Variants in EPHA3 observed in about 807,000 individuals in gnomAD.
The protein encoded by EPHA3 is EPH receptor A3.
EPHA3 carries 42 observed loss-of-function variants against 107.1 expected under a neutral mutation model. The observed-to-expected ratio is 0.39, with a 90% CI of 0.31 to 0.51. The LOEUF is 0.51. EPHA3 is among the 20% of genes least tolerant of loss of function. The probability of loss-of-function intolerance (pLI) is 0.78; values close to 1 mark genes in which losing one functional copy is unlikely to be tolerated. For synonymous variants in EPHA3, 461 were observed against 424.8 expected, an observed-to-expected ratio of 1.09 and a Z score of -1.05; for missense variants, 1,183 against 1,211.2, an observed-to-expected ratio of 0.98 and a Z score of 0.35.
rs1428595242 is a variant in EPHA3, at chr3:89,413,163, T to C, written c.1785T>C (p.Thr595=). 2 of 1,611,536 alleles carry C rather than the reference T, an allele frequency of 1.2e-6. No homozygotes were observed. Among genetic ancestry groups the C allele is most frequent in the Non-Finnish European group, 1.7e-6 (2 of 1,178,248 alleles). ...NGHLKLPGLR[T]YVDPHTYEDP... ...CAGTAAAACTTCCAGGTCTCAGGAC[T>C]TATGTTGACCCACATACATATGAAG... The change falls in exon 10 of 17, where the codon ACT becomes ACC. Residue 595 remains threonine (T), a synonymous_variant. Transcript: ENST00000336596.
chr3:89,373,176 A>G (rs1442150699), intron 5 of EPHA3, among the ~76,000 whole-genome samples: 1 of 151,884 alleles, frequency 6.6e-6, no homozygotes, highest in Non-Finnish European at 1.5e-5. Context: ...GCAAGGGCAA[A>G]GACTTACAAA....
At position 89,429,092 on chromosome 3, in the gene EPHA3, T is replaced by C; in HGVS notation, c.2075-14T>C. The C allele has an allele frequency of 6.4e-7, 1 of 1,564,066 alleles. No individual in the cohort carries two copies. The highest frequency in any genetic ancestry group is 8.8e-7 in the Non-Finnish European group (1 of 1,135,644). ...ACTGTACTGATTATTATTTATTATTTACTGTATATCTAGGTAAGCCAGTTA... is the reference window on the plus strand; with the variant it reads ...ACTGTACTGATTATTATTTATTATTCACTGTATATCTAGGTAAGCCAGTTA... On this transcript the variant is annotated splice_polypyrimidine_tract_variant and intron_variant, in intron 11 of 16. Coordinates refer to ENST00000336596, the MANE Select transcript of EPHA3 (RefSeq NM_005233.6).
At chr3:89,268,713 G>A (rs1464022079) in intron 3 of EPHA3, among the ~76,000 whole-genome samples, 1 of 151,866 alleles carries the variant, frequency 6.6e-6, no homozygotes, top group Non-Finnish European at 1.5e-5. Flanking sequence ...CTTGTCTATA[G>A]CACTTTAGCT....
At position 89,399,429 on chromosome 3, in the gene EPHA3, G is replaced by A. The variant is rs2107508452; in HGVS notation, c.1543G>A (p.Ala515Thr). 1 of 1,614,008 alleles carries A rather than the reference G, an allele frequency of 6.2e-7. No individual in the cohort carries two copies. Among genetic ancestry groups the A allele is most frequent in the Non-Finnish European group, 8.5e-7 (1 of 1,179,978 alleles). ...YVFQIRARTA[A>T]GYGTNSRKFE... ...ATTCCAAATCCGAGCCCGAACAGCC[G>A]CTGGATATGGGACGAACAGCCGCAA... Residue 515 changes from alanine to threonine, a missense_variant, in exon 7 of 17, where the codon GCT (alanine) becomes ACT (threonine). Ala to Thr is a moderately conservative substitution (Grantham distance 58). Transcript: ENST00000336596.
At chr3:89,472,100 A>C (rs1234889357) in intron 15 of EPHA3, among the ~76,000 whole-genome samples, 2 of 152,234 alleles carry the variant, frequency 1.3e-5, no homozygotes, top group African/African-American at 4.8e-5. Context: ...CAAAGCAGAC[A>C]GCAAAGAATT....
intron 3 of EPHA3, among the ~76,000 whole-genome samples, chr3:89,226,410 G>A (rs1221857228): frequency 3.3e-5 from 5 of 152,064 alleles, no homozygotes; most frequent in East Asian, 1.9e-4. Context: ...ATGGGGAAAC[G>A]TTAGCTATCT....
At chr3:89,304,443 G>A (rs140937610) in intron 3 of EPHA3, among the ~76,000 whole-genome samples, 6 of 151,610 alleles carry the variant, frequency 4.0e-5, no homozygotes, top group East Asian at 1.9e-4. Flanking sequence ...TTTGAGACTC[G>A]TTACTCACCC....
At chr3:89,113,567 TA>T (rs200754381) in intron 1 of EPHA3, among the ~76,000 whole-genome samples, 2,335 of 80,340 alleles carry the variant, frequency 0.029, 60 homozygotes, top group African/African-American at 0.089. Flanking sequence ...GAAAAGAAAA[TA>T]AAAAAAGTTG....
chr3:89,135,475 T>C (rs1704291031), intron 2 of EPHA3, among the ~76,000 whole-genome samples: 1 of 152,150 alleles, frequency 6.6e-6, no homozygotes, highest in Non-Finnish European at 1.5e-5. Flanking sequence ...AAATGAATAA[T>C]AAGAGCTTTC....
In EPHA3 at chr3:89,449,308, T is replaced by C. The variant is rs1347521876; in HGVS notation, c.2430T>C (p.Tyr810=). Residue 810 remains tyrosine, a synonymous_variant, in exon 14 of 17, where the codon TAT becomes TAC. Transcript: ENST00000336596. ...KFTSASDVWS[Y]GIVLWEVMSY... is the part of the protein sequence containing the mutation. ...CGTCAGCCAGCGATGTATGGAGTTA[T>C]GGGATTGTTCTCTGGGAGGTGATGT... The C allele has an allele frequency of 6.2e-7, 1 of 1,612,880 alleles. No homozygotes were observed. Among genetic ancestry groups the C allele is most frequent in the Admixed American group, 1.7e-5 (1 of 59,964 alleles).
At chr3:89,159,283 T>C (rs1307107705) in intron 2 of EPHA3, among the ~76,000 whole-genome samples, 2 of 152,138 alleles carry the variant, frequency 1.3e-5, no homozygotes, top group African/African-American at 4.8e-5. Flanking sequence ...TCAGAGCTCT[T>C]AGTTGTAAGC....
intron 2 of EPHA3, among the ~76,000 whole-genome samples, chr3:89,165,769 G>C (rs947206858): frequency 6.6e-6 from 1 of 152,140 alleles, no homozygotes; most frequent in African/African-American, 2.4e-5. Flanking sequence ...TTCCAAGGCT[G>C]TTCAGGCCTT....
intron 3 of EPHA3, among the ~76,000 whole-genome samples, chr3:89,317,157 A>G (rs1706928589): frequency 6.6e-6 from 1 of 151,890 alleles, no homozygotes; most frequent in South Asian, 2.1e-4. Flanking sequence ...GCAACATGAT[A>G]TCAAATGATG....
intron 6 of EPHA3, among the ~76,000 whole-genome samples, chr3:89,398,799 A>T (rs1226098394): frequency 6.6e-6 from 1 of 152,160 alleles, no homozygotes; most frequent in Non-Finnish European, 1.5e-5. Context: ...CATAATATTC[A>T]AATTGGGAAA....
Position 89,411,563 on chromosome 3 carries a change from C to A in EPHA3, c.1763-1578C>A, listed in dbSNP as rs548989411. On this transcript the variant is annotated intron_variant, in intron 9 of 16. Transcript: ENST00000336596. ...CCAACCTCTCTCTCAGCCACCATTT[C>A]TTTTACAACAGTTTATTCTCACACT... 3.3e-5 allele frequency among the ~76,000 whole-genome samples: 5 copies of A among 151,884 alleles called. No homozygotes were observed. In the South Asian group the frequency reaches 8.3e-4, roughly 25 times the overall value.
At chr3:89,425,892 C>T (rs2107531896) in intron 11 of EPHA3, among the ~76,000 whole-genome samples, 1 of 151,654 alleles carries the variant, frequency 6.6e-6, no homozygotes, top group East Asian at 1.9e-4. Flanking sequence ...AGCTCCGAGC[C>T]ACTGGGGATA....
chr3:89,468,882 A>G (rs1175298773), intron 15 of EPHA3, among the ~76,000 whole-genome samples: 3 of 152,210 alleles, frequency 2.0e-5, no homozygotes, highest in African/African-American at 4.8e-5. Flanking sequence ...TAGGAAAAGA[A>G]TAAAAATACA....
chr3:89,194,305 C>T (rs1705785582), intron 2 of EPHA3, among the ~76,000 whole-genome samples: 1 of 151,860 alleles, frequency 6.6e-6, no homozygotes, highest in African/African-American at 2.4e-5. Context: ...TAATATTTGC[C>T]TGTAACTGGC....
At chr3:89,409,497 C>G (rs1224022168) in intron 9 of EPHA3, among the ~76,000 whole-genome samples, 2 of 151,796 alleles carry the variant, frequency 1.3e-5, no homozygotes, top group Non-Finnish European at 2.9e-5. Context: ...TGGTAAATTT[C>G]TGTGTGCCAA....
Sources: allele counts gnomAD v4.1 joint callset (sites outside exome capture counted in the v4.1 genomes callset), GRCh38; gene constraint gnomAD v4.1.1; transcripts MANE v1.5; gene names NCBI Gene and HGNC (gene_info 2026-07-23, HGNC 2026-07-21).